DRC7: variants seen among roughly 807,000 people sequenced by gnomAD.
DRC7 encodes dynein regulatory complex subunit 7.
In DRC7, 80 loss-of-function variants were observed where a neutral mutation model predicts 104.4. That is an observed-to-expected ratio of 0.77 (90% confidence interval 0.64 to 0.92). The LOEUF (loss-of-function observed/expected upper bound fraction) is 0.92, where lower values mean the gene tolerates loss of function less well. DRC7 is among the 40% of genes least tolerant of loss of function. DRC7 has a pLI of 0.00. For synonymous variants in DRC7, 405 were observed against 447.3 expected, an observed-to-expected ratio of 0.91 and a Z score of 1.19; for missense variants, 1,034 against 1,141.1, an observed-to-expected ratio of 0.91 and a Z score of 1.35.
chr16:57,713,337 G>A (rs2048807826), intron 8 of DRC7, among the ~76,000 whole-genome samples: 2 of 152,202 alleles, frequency 1.3e-5, no homozygotes, highest in African/African-American at 4.8e-5. Context: ...TTATTGAAAT[G>A]TTGGGCTACA....
intron 13 of DRC7, 77 bp from the exon 14 acceptor site, chr16:57,725,991 C>T: frequency 7.7e-7 from 1 of 1,301,210 alleles, no homozygotes; most frequent in Non-Finnish European, 1.1e-6. Context: ...TTCGTTGCTC[C>T]TGCCTGCGGG....
chr16:57,707,803 C>T (rs765732338), intron 8 of DRC7, 125 bp downstream of exon 8: 1 of 784,750 alleles, frequency 1.3e-6, no homozygotes, highest in Non-Finnish European at 2.2e-6. Flanking sequence ...TTTGAACCTT[C>T]TCCATAGCTG....
intron 1 of DRC7, among the ~76,000 whole-genome samples, chr16:57,696,005 G>A (rs1361673889): frequency 1.3e-5 from 2 of 152,244 alleles, no homozygotes; most frequent in Admixed American, 1.3e-4. Context: ...AGTGGGGGAT[G>A]ATTAGAAAAT....
chr16:57,727,430 C>T, intron 16 of DRC7, 21 bp downstream of exon 16: 1 of 1,577,732 alleles, frequency 6.3e-7, no homozygotes. Context: ...ATCCCTTCTC[C>T]AGGCCCCAGC....
In DRC7 at chr16:57,727,401, G is replaced by A. The variant is rs1212518679; in HGVS notation, c.2188G>A (p.Glu730Lys). ...GAATGAGAAGAGCAAGGAATATCGG[G>A]AGGCCATGGTCAGTCCCAATCCCTT... Reference protein sequence around the residue: ...KRNEKSKEYREAMERMMHEEH... With the variant: ...KRNEKSKEYRKAMERMMHEEH... The change falls in exon 16 of 19, where the codon GAG (glutamate) becomes AAG (lysine). Residue 730 changes from glutamate (E) to lysine (K), a missense_variant. By Grantham distance (56) the Glu-to-Lys change is moderately conservative. Transcript: ENST00000360716. 6.2e-7 allele frequency: 1 copy of A among 1,612,500 alleles called. No individual in the cohort carries two copies. Among genetic ancestry groups the A allele is most frequent in the Admixed American group, 1.7e-5 (1 of 59,988 alleles).
chr16:57,708,343 T>G (rs1420181934), intron 8 of DRC7, among the ~76,000 whole-genome samples: 1 of 152,242 alleles, frequency 6.6e-6, no homozygotes. Context: ...TTTTGGAGTT[T>G]ACATCAGTTG....
At chr16:57,713,444 A>G (rs1298656008) in intron 8 of DRC7, among the ~76,000 whole-genome samples, 34 of 152,150 alleles carry the variant, frequency 2.2e-4, no homozygotes, top group African/African-American at 2.4e-5. Flanking sequence ...TGAGATTGTT[A>G]TGTCCTCATG....
At chr16:57,702,554 T>C (rs2048671255) in intron 6 of DRC7, among the ~76,000 whole-genome samples, 1 of 152,216 alleles carries the variant, frequency 6.6e-6, no homozygotes, top group South Asian at 2.1e-4. Flanking sequence ...ATCCCAGCAC[T>C]TTGGGAGTCC....
chr16:57,730,774 C>T (rs1171769373), intron 17 of DRC7, among the ~76,000 whole-genome samples, 157 bp from the exon 18 acceptor site: 1 of 152,146 alleles, frequency 6.6e-6, no homozygotes, highest in Non-Finnish European at 1.5e-5. Flanking sequence ...TTTGTGGCCC[C>T]TGCCTCTGTG....
chr16:57,731,535 T>TC lies in DRC7; in HGVS notation c.*281dup. On this transcript the variant is annotated 3_prime_UTR_variant, in exon 19 of 19. Coordinates refer to ENST00000360716, the MANE Select transcript of DRC7 (RefSeq NM_001289162.2). ...CTATAGCCTGGGACCACCCCCTTCC[T>TC]CCCCTTGGCCTGTCGTTTGCTTCCT... 1 of 481,268 alleles carries TC rather than the reference T, an allele frequency of 2.1e-6. No individual in the cohort carries two copies. Among genetic ancestry groups the TC allele is most frequent in the South Asian group, 2.4e-5 (1 of 42,250 alleles). The allele number at this position is 481,268 out of a possible 1,614,324, so 29.8% of individuals were successfully genotyped here. A position where few individuals can be genotyped will look rare whatever the true frequency, so the allele number is the denominator to read the frequency against.
chr16:57,712,281 C>G (rs973171550), intron 8 of DRC7, among the ~76,000 whole-genome samples: 8 of 151,856 alleles, frequency 5.3e-5, no homozygotes, highest in Non-Finnish European at 4.4e-5. Flanking sequence ...ACATTTATAT[C>G]CACTTTAATC....
rs1253450402 is a variant in DRC7 at position 57,730,913 on chromosome 16, T to C, written c.2392-18T>C. On this transcript the variant is annotated intron_variant, in intron 17 of 18. Coordinates refer to ENST00000360716, the MANE Select transcript of DRC7 (RefSeq NM_001289162.2). ...CAGCCTTGTCAGTCCTCCTTCTCTG[T>C]CTGCCCTATGACCACAGGAGACCCA... 1 of 1,612,208 alleles carries C rather than the reference T, an allele frequency of 6.2e-7. No homozygotes were observed. Among genetic ancestry groups the C allele is most frequent in the South Asian group, 1.1e-5 (1 of 91,008 alleles).
Position 57,707,504 on chromosome 16 carries a change from G to A in DRC7, c.903G>A (p.Val301=), listed in dbSNP as rs932335559. The part of the protein sequence containing the change: ...AKPDALHGLR[V]HSWVLVLSGK... Reference sequence around the variant, plus strand: ...CGGATGCCCTGCACGGCCTGCGGGTGCACTCCTGGGTCCTTGTGCTATCGG... The same window carrying A: ...CGGATGCCCTGCACGGCCTGCGGGTACACTCCTGGGTCCTTGTGCTATCGG... The change falls in exon 8 of 19, where the codon GTG becomes GTA. Residue 301 remains valine, a synonymous_variant. Transcript: ENST00000360716. 1 of 1,613,404 alleles carries A rather than the reference G, an allele frequency of 6.2e-7. No homozygotes were observed. The highest frequency in any genetic ancestry group is 8.5e-7 in the Non-Finnish European group (1 of 1,180,000).
At chr16:57,717,793 G>T (rs1470447752) in intron 8 of DRC7, among the ~76,000 whole-genome samples, 2 of 151,946 alleles carry the variant, frequency 1.3e-5, no homozygotes, top group Non-Finnish European at 2.9e-5. Flanking sequence ...CTTCTGTGTT[G>T]GCCTCCCAAA....
intron 7 of DRC7, among the ~76,000 whole-genome samples, chr16:57,705,939 C>A (rs2048717200): frequency 7.0e-6 from 1 of 143,434 alleles, no homozygotes; most frequent in Non-Finnish European, 1.5e-5. Context: ...TCCTCTCATC[C>A]ATCCATCCTC....
At chr16:57,705,490 A>C (rs1301394382) in intron 7 of DRC7, among the ~76,000 whole-genome samples, 1 of 132,674 alleles carries the variant, frequency 7.5e-6, no homozygotes, top group African/African-American at 2.9e-5. Flanking sequence ...TCTCCCATCC[A>C]TCCATCCTCC....
chr16:57,726,349 C>G lies in DRC7; in HGVS notation c.1974+66C>G, dbSNP rs930568342. 6.4e-6 allele frequency: 9 copies of G among 1,396,060 alleles called. No individual in the cohort carries two copies. The South Asian group carries it at 1.1e-4, about 17-fold the overall frequency. The allele number at this position is 1,396,060 out of a possible 1,614,324, so 86.5% of individuals were successfully genotyped here. A position where few individuals can be genotyped will look rare whatever the true frequency, so the allele number is the denominator to read the frequency against. The stretch of plus-strand genomic sequence containing the variant: ...AGGAACCGGGGCTCTCTGTCTTATT[C>G]CAGCCACTTGGGAGAACCAGGATGG... On this transcript the variant is annotated intron_variant, in intron 14 of 18. Transcript: ENST00000360716.
chr16:57,729,938 A>G (rs1380236916), intron 17 of DRC7, among the ~76,000 whole-genome samples: 21 of 47,260 alleles, frequency 4.4e-4, no homozygotes, highest in Middle Eastern at 0.019. Flanking sequence ...GGGTGGGTGG[A>G]TGGGTGGGTG....
chr16:57,724,910 C>T (rs964871216), intron 13 of DRC7, 75 bp downstream of exon 13: 2 of 1,239,226 alleles, frequency 1.6e-6, no homozygotes, highest in Non-Finnish European at 2.3e-6. Context: ...ATGGTGAGAG[C>T]CCTGGCTCTG....
Sources: allele counts gnomAD v4.1 joint callset (sites outside exome capture counted in the v4.1 genomes callset), GRCh38; gene constraint gnomAD v4.1.1; transcripts MANE v1.5; gene names NCBI Gene and HGNC (gene_info 2026-07-23, HGNC 2026-07-21).